MSANTD3: variants seen among roughly 807,000 people sequenced by gnomAD.
MSANTD3 encodes myb/SANT-like DNA-binding domain-containing protein 3.
MSANTD3 carries 11 observed loss-of-function variants against 27.7 expected under a neutral mutation model. That is an observed-to-expected ratio of 0.40 (90% CI 0.25 to 0.66). The LOEUF (loss-of-function observed/expected upper bound fraction) is 0.66. MSANTD3 is among the 30% of genes least tolerant of loss of function. The pLI, the probability that MSANTD3 is intolerant of heterozygous loss-of-function variation, is 0.41. For missense variants in MSANTD3, 250 were observed against 336.5 expected (o/e 0.74, Z 2.01); for synonymous variants, 131 against 127.2 (o/e 1.03, Z -0.20).
chr9:100,440,499 G>A (rs1297395857), intron 1 of MSANTD3, among the ~76,000 whole-genome samples: 1 of 151,980 alleles, frequency 6.6e-6, no homozygotes, highest in African/African-American at 2.4e-5. Context: ...CATACCTGAA[G>A]GATCACAGAC....
At chr9:100,447,009 T>C (rs1836770107) in intron 2 of MSANTD3, among the ~76,000 whole-genome samples, 1 of 152,146 alleles carries the variant, frequency 6.6e-6, no homozygotes, top group Non-Finnish European at 1.5e-5. Context: ...TTTGCTGTCA[T>C]AGTAGGCTTT....
intron 1 of MSANTD3, among the ~76,000 whole-genome samples, chr9:100,432,300 G>A (rs1836393953): frequency 6.6e-6 from 1 of 152,168 alleles, no homozygotes; most frequent in Non-Finnish European, 1.5e-5. Flanking sequence ...GCTTGGGTGA[G>A]TGGCCATCCT....
intron 2 of MSANTD3, among the ~76,000 whole-genome samples, chr9:100,443,459 A>G (rs1836679350): frequency 6.6e-6 from 1 of 152,128 alleles, no homozygotes; most frequent in Non-Finnish European, 1.5e-5. Context: ...AATATGATAA[A>G]CGCCTGTTTT....
At chr9:100,440,048 A>G (rs1205327665) in intron 1 of MSANTD3, among the ~76,000 whole-genome samples, 1 of 152,162 alleles carries the variant, frequency 6.6e-6, no homozygotes, top group Non-Finnish European at 1.5e-5. Context: ...TTTTATAGGA[A>G]GCTTTCTGTG....
intron 1 of MSANTD3, among the ~76,000 whole-genome samples, chr9:100,441,610 G>C (rs936341857): frequency 1.6e-4 from 24 of 152,234 alleles, no homozygotes; most frequent in African/African-American, 5.5e-4. Context: ...CTGCACTCCA[G>C]CCTGGGTGAC....
At chr9:100,434,195 G>A (rs1480362656) in intron 1 of MSANTD3, among the ~76,000 whole-genome samples, 3 of 152,162 alleles carry the variant, frequency 2.0e-5, no homozygotes, top group African/African-American at 7.2e-5. Context: ...CTACCCTACT[G>A]TGGACACATA....
intron 1 of MSANTD3, among the ~76,000 whole-genome samples, chr9:100,437,817 A>G (rs1334523738): frequency 1.3e-5 from 2 of 152,182 alleles, no homozygotes; most frequent in Admixed American, 1.3e-4. Flanking sequence ...GCATATGTAT[A>G]TGTATTTTTA....
intron 2 of MSANTD3, 27 bp from the exon 3 acceptor site, chr9:100,450,530 C>A: frequency 2.7e-6 from 4 of 1,490,066 alleles, no homozygotes; most frequent in South Asian, 2.9e-5. Context: ...AATCTTTGAA[C>A]ATATGTTTTC....
At chr9:100,447,771 A>G (rs1836788997) in intron 2 of MSANTD3, among the ~76,000 whole-genome samples, 1 of 152,242 alleles carries the variant, frequency 6.6e-6, no homozygotes, top group Non-Finnish European at 1.5e-5. Context: ...AGGTAATGCT[A>G]TAAAGCACTA....
chr9:100,431,782 C>T (rs530616722), intron 1 of MSANTD3, among the ~76,000 whole-genome samples: 5 of 152,168 alleles, frequency 3.3e-5, no homozygotes, highest in African/African-American at 1.2e-4. Flanking sequence ...ATACTTGGTA[C>T]CCTTGTCCTA....
intron 1 of MSANTD3, among the ~76,000 whole-genome samples, chr9:100,429,341 T>C (rs1213080927): frequency 6.6e-6 from 1 of 152,194 alleles, no homozygotes; most frequent in Non-Finnish European, 1.5e-5. Flanking sequence ...GATAAAATAA[T>C]GTTTTTTCAC....
chr9:100,448,766 T>A, intron 2 of MSANTD3: 1 of 985,358 alleles, frequency 1.0e-6, no homozygotes, highest in Middle Eastern at 5.2e-4. Context: ...AGAGCTGTCT[T>A]TGAGGCCAGA....
chr9:100,450,584 T>C lies in MSANTD3; in HGVS notation c.446T>C (p.Leu149Pro). 2 of 1,573,422 alleles carry C rather than the reference T, an allele frequency of 1.3e-6. No homozygotes were observed. The highest frequency in any genetic ancestry group is 1.7e-6 in the Non-Finnish European group (2 of 1,164,498). Reference sequence around the variant, plus strand: ...TCATTTGCTGTTTCAAATAGAGAACTGTGCGATGATGAGAAAGAGTTCATA... The same window carrying C: ...TCATTTGCTGTTTCAAATAGAGAACCGTGCGATGATGAGAAAGAGTTCATA... ...QESFAVSNRE[L>P]CDDEKEFIHF... The change falls in exon 3 of 3, where the codon CTG becomes CCG. Residue 149 changes from leucine to proline, a missense_variant. Physicochemically the swap from Leu to Pro is moderately conservative, Grantham distance 98. Coordinates refer to ENST00000395067, the MANE Select transcript of MSANTD3 (RefSeq NM_080655.3).
intron 1 of MSANTD3, among the ~76,000 whole-genome samples, chr9:100,437,899 A>C (rs561967343): frequency 9.2e-5 from 14 of 152,324 alleles, no homozygotes; most frequent in East Asian, 3.9e-4. Context: ...GATATTGTGC[A>C]TATTAAACAT....
intron 1 of MSANTD3, among the ~76,000 whole-genome samples, chr9:100,430,333 A>G (rs1379828309): frequency 2.6e-5 from 4 of 151,786 alleles, no homozygotes. Context: ...TCAAAAAAAA[A>G]AAAAAAAAAG....
At chr9:100,444,244 G>C (rs1318969594) in intron 2 of MSANTD3, 2 of 152,148 alleles carry the variant, frequency 1.3e-5, no homozygotes, top group Non-Finnish European at 2.9e-5. Flanking sequence ...TGAACCTCAT[G>C]CATCGATTTC....
intron 1 of MSANTD3, among the ~76,000 whole-genome samples, chr9:100,428,643 T>C (rs889550060): frequency 1.3e-5 from 2 of 152,040 alleles, no homozygotes; most frequent in Non-Finnish European, 2.9e-5. Flanking sequence ...CTCTTTTTAC[T>C]CCCAGGCCGC....
chr9:100,434,970 TACACACACAC>T (rs140970116), intron 1 of MSANTD3, among the ~76,000 whole-genome samples: 1 of 150,216 alleles, frequency 6.7e-6, no homozygotes, highest in Non-Finnish European at 1.5e-5. Context: ...ACACACACCA[TACACACACAC>T]ACACACACAC....
At chr9:100,438,726 T>C (rs1587787077) in intron 1 of MSANTD3, among the ~76,000 whole-genome samples, 1 of 152,160 alleles carries the variant, frequency 6.6e-6, no homozygotes, top group East Asian at 1.9e-4. Context: ...TCTTGGCAGA[T>C]AGAGATAATA....
Sources: gnomAD v4.1 joint callset for allele counts (sites outside exome capture counted in the v4.1 genomes callset) on GRCh38, gnomAD v4.1.1 for gene constraint, MANE v1.5 for transcripts, NCBI Gene and HGNC (gene_info 2026-07-23, HGNC 2026-07-21) for gene names.